Variants in WIPI1 observed in about 807,000 individuals in gnomAD.
WIPI1 encodes the protein WD repeat domain, phosphoinositide interacting 1.
WIPI1 carries 45 observed loss-of-function variants against 55.3 expected under a neutral mutation model. The observed-to-expected ratio is 0.81, with a 90% CI of 0.64 to 1.04. The LOEUF is 1.04. WIPI1 is among the 50% of genes least tolerant of loss of function. The pLI is 0.00. For synonymous variants in WIPI1, 195 were observed against 217.6 expected (o/e 0.90, Z 0.92); for missense variants, 445 against 559.0 (o/e 0.80, Z 2.06).
chr17:68,457,393 G>T lies in WIPI1; in HGVS notation c.29C>A (p.Pro10Gln), dbSNP rs377490906. Residue 10 changes from proline (P) to glutamine (Q), a missense_variant, in exon 1 of 13, where the codon CCG (proline) becomes CAG (glutamine). Transcript: ENST00000262139. MEAEAADAP[P>Q]GGVESALSCF... is the part of the protein sequence containing the mutation. ...GCTGAGCGCCGACTCAACCCCGCCC[G>T]GGGGAGCGTCCGCGGCCTCGGCCTC... The T allele has an allele frequency of 5.9e-6, 9 of 1,534,208 alleles. No homozygotes were observed. Among genetic ancestry groups the T allele is most frequent in the Non-Finnish European group, 7.9e-6 (9 of 1,141,738 alleles).
rs117308663 is a variant in WIPI1, at chr17:68,428,047, A to G, written c.1073+782T>C. Among the ~76,000 whole-genome samples, 445 of 151,282 alleles carry G rather than the reference A, an allele frequency of 2.9e-3. 16 individuals carry two copies. In the East Asian group the frequency reaches 0.063, roughly 21 times the overall value. ...CTGGGACTACAAGGCATGTACCACCATGCCTGGCTAATTTTTATATTTTTT... is the reference window on the plus strand; with the variant it reads ...CTGGGACTACAAGGCATGTACCACCGTGCCTGGCTAATTTTTATATTTTTT... On this transcript the variant is annotated intron_variant, in intron 10 of 12. Transcript: ENST00000262139.
chr17:68,445,190 G>GA (rs1254437311), intron 3 of WIPI1, among the ~76,000 whole-genome samples: 1 of 152,046 alleles, frequency 6.6e-6, no homozygotes, highest in Non-Finnish European at 1.5e-5. Context: ...AAAGTGCTGG[G>GA]ATGATAGGCC....
In WIPI1 at chr17:68,427,183, C is replaced by A. The variant is rs1314011523; in HGVS notation, c.1144G>T (p.Ala382Ser). ...GCACTTGGTCTGGCTACGGTCGCTG[C>A]ATAAGACTGAGGTAAGGAAGGTCTG... ...DLRPSLPQSY[A>S]ATVARPSASS... The change falls in exon 11 of 13, where the codon GCA (alanine) becomes TCA (serine). Residue 382 changes from alanine (A) to serine (S), a missense_variant. By Grantham distance (99) the Ala-to-Ser change is moderately conservative. Transcript: ENST00000262139. 6.2e-7 allele frequency: 1 copy of A among 1,614,058 alleles called. No homozygotes were observed. Among genetic ancestry groups the A allele is most frequent in the Non-Finnish European group, 8.5e-7 (1 of 1,180,038 alleles).
Position 68,452,951 on chromosome 17 carries a change from G to C in WIPI1, c.122C>G (p.Ser41Cys), listed in dbSNP as rs769476450. Residue 41 changes from serine (S) to cysteine (C), a missense_variant, in exon 2 of 13, where the codon TCT (serine) becomes TGT (cysteine). Physicochemically the swap from Ser to Cys is moderately radical, Grantham distance 112. Transcript: ENST00000262139. ...TGTKAGYKLF[S>C]LSSVEQLDQV... The stretch of plus-strand genomic sequence containing the variant: ...ATCCAGCTGCTCCACAGAACTCAGA[G>C]AAAACAGCTTATACCCGGCTTTAGT... 62 of 1,613,968 alleles carry C rather than the reference G, an allele frequency of 3.8e-5. No homozygotes were observed. Among genetic ancestry groups the C allele is most frequent in the Middle Eastern group, 1.6e-4 (1 of 6,062 alleles).
At chr17:68,429,543 T>C (rs1274491791) in intron 9 of WIPI1, among the ~76,000 whole-genome samples, 1 of 152,176 alleles carries the variant, frequency 6.6e-6, no homozygotes, top group Non-Finnish European at 1.5e-5. Flanking sequence ...TGAAGTCAGA[T>C]AGGAAAAGCA....
intron 4 of WIPI1, among the ~76,000 whole-genome samples, chr17:68,439,258 G>T (rs1661170406): frequency 6.6e-6 from 1 of 152,136 alleles, no homozygotes; most frequent in African/African-American, 2.4e-5. Context: ...AATGGATAAA[G>T]AAAATGTGAT....
At position 68,421,852 on chromosome 17, in the gene WIPI1, T is replaced by G. The variant is rs753462174; in HGVS notation, c.1294-32A>C. ...AAATCAAAACAGAATGGCCTTACTC[T>G]TCTCAGGAAGAGGCTGGTAGGCAGG... On this transcript the variant is annotated intron_variant, in intron 12 of 12. Transcript: ENST00000262139. The G allele has an allele frequency of 1.9e-6, 3 of 1,613,994 alleles. No individual in the cohort carries two copies. The South Asian group carries it at 3.3e-5, about 18-fold the overall frequency.
rs150170943 is a variant in WIPI1 at position 68,426,247 on chromosome 17, A to AG, written c.1193-73dup. The AG allele has an allele frequency of 7.1e-3, 4,718 of 668,128 alleles. 318 individuals are homozygous for AG. The African/African-American group carries it at 0.084, about 12-fold the overall frequency. The allele number at this position is 668,128 out of a possible 1,614,324, so 41.4% of individuals were successfully genotyped here. ...TTATGCCATGACCTGGCGGGTGGGG[A>AG]GCGGGGGCTCAAATAAAGGGCAAAG... On this transcript the variant is annotated intron_variant, in intron 11 of 12. Transcript: ENST00000262139.
rs2082948201 is a variant in WIPI1 at position 68,423,539 on chromosome 17, G to C, written c.1294-1719C>G. Among the ~76,000 whole-genome samples the C allele has an allele frequency of 6.6e-6, 1 of 152,160 alleles. No individual in the cohort carries two copies. Among genetic ancestry groups the C allele is most frequent in the Admixed American group, 6.5e-5 (1 of 15,278 alleles). Reference sequence around the variant, plus strand: ...ACCTGTTCTAGGGACCTTGTTCAGTGACCACTCTCACTGGCAGGAAGTATT... The same window carrying C: ...ACCTGTTCTAGGGACCTTGTTCAGTCACCACTCTCACTGGCAGGAAGTATT... On this transcript the variant is annotated intron_variant, in intron 12 of 12. Coordinates refer to ENST00000262139, the MANE Select transcript of WIPI1 (RefSeq NM_017983.7). This position sits in a 1 kb window ranked among gnomAD's most constrained non-coding sequence, Gnocchi z 4.4.
chr17:68,443,541 C>G (rs1040270495), intron 4 of WIPI1, among the ~76,000 whole-genome samples: 6 of 151,948 alleles, frequency 3.9e-5, no homozygotes, highest in Non-Finnish European at 8.8e-5. Context: ...ATGGCAGTTC[C>G]TGTGCTGGTC....
intron 7 of WIPI1, among the ~76,000 whole-genome samples, chr17:68,433,888 T>G (rs2083655178): frequency 6.8e-6 from 1 of 147,990 alleles, no homozygotes; most frequent in African/African-American, 2.5e-5. Flanking sequence ...GTTCAAGCGA[T>G]TCTCCTGCCT....
chr17:68,433,399 T>C (rs1283060009), intron 8 of WIPI1, 69 bp downstream of exon 8: 3 of 1,336,518 alleles, frequency 2.2e-6, no homozygotes, highest in Non-Finnish European at 2.1e-6. Context: ...AGATCATTCA[T>C]GCCAGTAGAA....
In WIPI1 at chr17:68,421,630, G is replaced by T; in HGVS notation, c.*143C>A. On this transcript the variant is annotated 3_prime_UTR_variant, in exon 13 of 13. Coordinates refer to ENST00000262139, the MANE Select transcript of WIPI1 (RefSeq NM_017983.7). Reference sequence around the variant, plus strand: ...GGAAGCTTGGTGAGGAGTTAACCAGGTCCTGTGGTTTAAGCAGTGGAGCAC... The same window carrying T: ...GGAAGCTTGGTGAGGAGTTAACCAGTTCCTGTGGTTTAAGCAGTGGAGCAC... 8.6e-7 allele frequency: 1 copy of T among 1,167,836 alleles called. No individual in the cohort carries two copies. The allele number at this position is 1,167,836 out of a possible 1,614,324, so 72.3% of individuals were successfully genotyped here.
At chr17:68,426,254 G>GGGGCCCCCC in intron 11 of WIPI1, 79 bp from the exon 12 acceptor site, 1 of 816,914 alleles carries the variant, frequency 1.2e-6, no homozygotes, top group Non-Finnish European at 1.9e-6. Flanking sequence ...GGGAGCGGGG[G>GGGGCCCCCC]CTCAAATAAA....
In WIPI1 at chr17:68,457,406, C is replaced by T. The variant is rs765445489; in HGVS notation, c.16G>A (p.Ala6Thr). The T allele has an allele frequency of 2.0e-6, 3 of 1,518,118 alleles. No homozygotes were observed. Among genetic ancestry groups the T allele is most frequent in the East Asian group, 2.8e-5 (1 of 36,124 alleles). The allele number at this position is 1,518,118 out of a possible 1,614,324, so 94.0% of individuals were successfully genotyped here. The change falls in exon 1 of 13, where the codon GCG (alanine) becomes ACG (threonine). Residue 6 changes from alanine (A) to threonine (T), a missense_variant. Transcript: ENST00000262139. MEAEA[A>T]DAPPGGVESA... The stretch of plus-strand genomic sequence containing the variant: ...TCAACCCCGCCCGGGGGAGCGTCCG[C>T]GGCCTCGGCCTCCATCGGGGGCTCG...
In WIPI1 at chr17:68,457,373, G is replaced by A. The variant is rs773822577; in HGVS notation, c.49C>T (p.Leu17Phe). ...DAPPGGVESA[L>F]SCFSFNQDCT... ...TCCTGGTTGAAAGAGAAGCAGCTGA[G>A]CGCCGACTCAACCCCGCCCGGGGGA... Residue 17 changes from leucine to phenylalanine, a missense_variant, in exon 1 of 13, where the codon CTC (leucine) becomes TTC (phenylalanine). Coordinates refer to ENST00000262139, the MANE Select transcript of WIPI1 (RefSeq NM_017983.7). 2 of 1,542,202 alleles carry A rather than the reference G, an allele frequency of 1.3e-6. No homozygotes were observed. Among genetic ancestry groups the A allele is most frequent in the Non-Finnish European group, 1.7e-6 (2 of 1,145,086 alleles).
intron 6 of WIPI1, among the ~76,000 whole-genome samples, chr17:68,435,253 A>G (rs1465797753): frequency 6.6e-6 from 1 of 151,820 alleles, no homozygotes; most frequent in Non-Finnish European, 1.5e-5. Context: ...TGATTATTCC[A>G]GGCAGAAGAC....
chr17:68,436,981 G>A (rs1286710843), intron 4 of WIPI1, among the ~76,000 whole-genome samples: 9 of 134,106 alleles, frequency 6.7e-5, no homozygotes, highest in Non-Finnish European at 1.4e-4. Flanking sequence ...GCTACAGAGT[G>A]AGACCCCGTC....
chr17:68,456,210 T>C (rs1218943290), intron 1 of WIPI1, among the ~76,000 whole-genome samples: 5 of 152,256 alleles, frequency 3.3e-5, no homozygotes, highest in African/African-American at 1.2e-4. Context: ...CTCGATTACA[T>C]GATTACACAT....
Sources: gnomAD v4.1 joint callset for allele counts (sites outside exome capture counted in the v4.1 genomes callset) on GRCh38, gnomAD v4.1.1 for gene constraint, Gnocchi (gnomAD v3.1) non-coding constraint, MANE v1.5 for transcripts, NCBI Gene and HGNC (gene_info 2026-07-23, HGNC 2026-07-21) for gene names.